PRKD3: variants seen among roughly 807,000 people sequenced by gnomAD.
The protein encoded by PRKD3 is serine/threonine-protein kinase D3.
In PRKD3, 47 loss-of-function variants were observed where a neutral mutation model predicts 99.2. The ratio of observed to expected loss-of-function variants is 0.47; its 90% CI spans 0.38 to 0.60. The LOEUF (loss-of-function observed/expected upper bound fraction) is 0.60, where lower values mean the gene tolerates loss of function less well. Ranked by LOEUF, PRKD3 falls within the 20% of genes least tolerant of loss-of-function variation. The probability of loss-of-function intolerance (pLI) is 0.00; values close to 1 mark genes in which losing one functional copy is unlikely to be tolerated. For missense variants in PRKD3, 1,019 were observed against 1,088.4 expected (o/e 0.94, Z 0.90); for synonymous variants, 392 against 355.4 (o/e 1.10, Z -1.16).
In PRKD3 at chr2:37,289,477, T is replaced by C. The variant is rs1670288154; in HGVS notation, c.596A>G (p.Lys199Arg). The C allele has an allele frequency of 1.2e-6, 2 of 1,613,672 alleles. No individual in the cohort carries two copies. The highest frequency in any genetic ancestry group is 2.7e-5 in the African/African-American group (2 of 74,920). ...GLNYHKRCAF[K>R]IPNNCSGVRK... is the part of the protein sequence containing the mutation. ...TACTCCACTACAGTTATTTGGAATC[T>C]TGAAGGCACATCGTTTATGGTAATT... is the stretch of plus-strand genomic sequence containing the variant. The change falls in exon 5 of 19, where the codon AAG (lysine) becomes AGG (arginine). Residue 199 changes from lysine (K) to arginine (R), a missense_variant. By Grantham distance (26) the Lys-to-Arg change is conservative (BLOSUM62 2). This residue lies in a region of PRKD3 where 710 missense variants were observed against 692.7 expected (regional missense o/e 1.02). Transcript: ENST00000234179.
intron 11 of PRKD3, among the ~76,000 whole-genome samples, chr2:37,273,888 A>C (rs888639771): frequency 6.6e-6 from 1 of 152,222 alleles, no homozygotes; most frequent in Non-Finnish European, 1.5e-5. Context: ...TTGTTGGTGC[A>C]AAACATGTTT....
chr2:37,263,665 C>G (rs1668630753), intron 14 of PRKD3, among the ~76,000 whole-genome samples: 1 of 152,132 alleles, frequency 6.6e-6, no homozygotes, highest in Admixed American at 6.6e-5. Flanking sequence ...CAGATCATGA[C>G]CCTCAAATGG....
intron 2 of PRKD3, among the ~76,000 whole-genome samples, chr2:37,309,665 T>C (rs1671330203): frequency 6.6e-6 from 1 of 152,012 alleles, no homozygotes. Context: ...CTGGCCAACA[T>C]GGTGAAACCC....
At chr2:37,324,414 G>A (rs1373041753) in intron 1 of PRKD3, 12 of 159,438 alleles carry the variant, frequency 7.5e-5, no homozygotes, top group Non-Finnish European at 1.2e-4. Flanking sequence ...TGGCGGCTGC[G>A]GCGGCGCCCC....
chr2:37,292,616 G>C (rs539688086), intron 3 of PRKD3, among the ~76,000 whole-genome samples: 1 of 152,012 alleles, frequency 6.6e-6, no homozygotes, highest in African/African-American at 2.4e-5. Flanking sequence ...AAAGTGCTGG[G>C]ATTACAGGCG....
At chr2:37,290,417 A>G (rs1299844546) in intron 4 of PRKD3, among the ~76,000 whole-genome samples, 2 of 152,152 alleles carry the variant, frequency 1.3e-5, no homozygotes, top group African/African-American at 4.8e-5. Flanking sequence ...TATCTTTAGT[A>G]GAGACAGGGT....
intron 1 of PRKD3, among the ~76,000 whole-genome samples, chr2:37,321,615 A>G (rs1044060392): frequency 3.9e-5 from 6 of 152,244 alleles, no homozygotes; most frequent in African/African-American, 1.4e-4. Context: ...GGAGTTATAG[A>G]GCAGTGACCG....
chr2:37,316,210 T>G (rs781177885), intron 2 of PRKD3, 27 bp downstream of exon 2: 2 of 1,559,910 alleles, frequency 1.3e-6, no homozygotes, highest in Admixed American at 1.7e-5. Flanking sequence ...CAATATTATT[T>G]ACTACTGATA....
intron 7 of PRKD3, 124 bp from the exon 8 acceptor site, chr2:37,280,053 T>TA: frequency 3.2e-6 from 2 of 626,426 alleles, no homozygotes; most frequent in Non-Finnish European, 5.1e-6. Flanking sequence ...AAAGTATTTC[T>TA]CTTTTTTTTT....
intron 2 of PRKD3, among the ~76,000 whole-genome samples, chr2:37,312,518 T>G (rs1451314891): frequency 6.6e-6 from 1 of 152,210 alleles, no homozygotes. Flanking sequence ...ATAGTGTAAA[T>G]AAGAGTCCTT....
At chr2:37,318,278 A>G (rs1216823380) in intron 1 of PRKD3, among the ~76,000 whole-genome samples, 2 of 152,226 alleles carry the variant, frequency 1.3e-5, no homozygotes, top group Non-Finnish European at 2.9e-5. Context: ...CTTTCAAGTA[A>G]ATGATCATTA....
chr2:37,269,229 A>G (rs1046919545), intron 13 of PRKD3: 1 of 211,250 alleles, frequency 4.7e-6, no homozygotes, highest in Non-Finnish European at 9.8e-6. Context: ...TTAATAGAAC[A>G]ATCATGCCAA....
intron 12 of PRKD3, 43 bp downstream of exon 12, chr2:37,272,337 T>C (rs1206714500): frequency 6.9e-6 from 11 of 1,590,562 alleles, no homozygotes. Flanking sequence ...ATTTTCCTTA[T>C]TTTAATCACC....
chr2:37,271,730 C>T (rs1374832839), intron 12 of PRKD3, among the ~76,000 whole-genome samples: 1 of 152,156 alleles, frequency 6.6e-6, no homozygotes, highest in Admixed American at 6.5e-5. Context: ...TGATCTGACA[C>T]GGTTCATTCC....
chr2:37,318,553 G>A (rs908444823), intron 1 of PRKD3, among the ~76,000 whole-genome samples: 5 of 152,196 alleles, frequency 3.3e-5, no homozygotes, highest in Non-Finnish European at 7.3e-5. Flanking sequence ...AAGAATCACT[G>A]CTCAGAGGAT....
rs1270799483 is a variant in PRKD3, at chr2:37,252,611, T to G, written c.*566A>C. 1 of 152,124 alleles carries G rather than the reference T, an allele frequency of 6.6e-6. No individual in the cohort carries two copies. The highest frequency in any genetic ancestry group is 1.9e-4 in the East Asian group (1 of 5,198). 9.4% of individuals were successfully genotyped at this position (152,124 alleles called of 1,614,324 possible). A position where few individuals can be genotyped will look rare whatever the true frequency, so the allele number is the denominator to read the frequency against. ...AAAAAAGAAAGGTAAAACAGCCCAGTGCGCTTTTTCTAGGCATCTAAGAAA... is the reference window on the plus strand; with the variant it reads ...AAAAAAGAAAGGTAAAACAGCCCAGGGCGCTTTTTCTAGGCATCTAAGAAA... On this transcript the variant is annotated 3_prime_UTR_variant, in exon 19 of 19. Transcript: ENST00000234179.
At chr2:37,317,347 CTATAAG>C (rs1273452189) in intron 1 of PRKD3, among the ~76,000 whole-genome samples, 168 bp from the exon 2 acceptor site, 18 of 152,228 alleles carry the variant, frequency 1.2e-4, no homozygotes, top group Admixed American at 3.3e-4. Flanking sequence ...ACTTTTTTTA[CTATAAG>C]TATAATTTCA....
intron 13 of PRKD3, chr2:37,268,280 T>C (rs1373267714): frequency 6.4e-6 from 3 of 469,788 alleles, no homozygotes; most frequent in Non-Finnish European, 1.3e-5. Context: ...GTGTGCATTT[T>C]TGGTAAGAAG....
At chr2:37,322,188 T>C (rs1008129760) in intron 1 of PRKD3, among the ~76,000 whole-genome samples, 2 of 152,354 alleles carry the variant, frequency 1.3e-5, no homozygotes, top group African/African-American at 4.8e-5. Context: ...AAAGTCCATG[T>C]CCATGTTTTG....
Sources: allele counts gnomAD v4.1 joint callset (sites outside exome capture counted in the v4.1 genomes callset), GRCh38; gene constraint gnomAD v4.1.1; regional missense constraint gnomAD v4.1.1; transcripts MANE v1.5; gene names NCBI Gene and HGNC (gene_info 2026-07-23, HGNC 2026-07-21).